Variants in ARID1B observed in about 807,000 individuals in gnomAD.
ARID1B encodes AT-rich interactive domain-containing protein 1B.
Under a neutral mutation model 212.3 loss-of-function variants are expected in ARID1B, and 30 were observed. That is an observed-to-expected ratio of 0.14 (90% CI 0.11 to 0.19). The LOEUF (loss-of-function observed/expected upper bound fraction) is 0.19. ARID1B is among the 10% of genes least tolerant of loss of function. ARID1B has a pLI of 1.00. For synonymous variants in ARID1B, 1,402 were observed against 1,301.7 expected, an observed-to-expected ratio of 1.08 and a Z score of -1.66; for missense variants, 2,891 against 3,204.0, an observed-to-expected ratio of 0.90 and a Z score of 2.36.
chr6:157,173,852 G>A (rs1464728185), intron 9 of ARID1B, 156 bp from the exon 10 acceptor site: 3 of 607,424 alleles, frequency 4.9e-6, no homozygotes, highest in Non-Finnish European at 8.4e-6. Flanking sequence ...TTGCATTTCA[G>A]AAATTAATAT....
At chr6:156,919,266 A>G (rs893705767) in intron 3 of ARID1B, among the ~76,000 whole-genome samples, 4 of 152,192 alleles carry the variant, frequency 2.6e-5, no homozygotes, top group African/African-American at 4.8e-5. Flanking sequence ...TTGGCTTTTA[A>G]TGGAAAACTT....
intron 4 of ARID1B, among the ~76,000 whole-genome samples, chr6:157,008,864 A>G (rs1049530609): frequency 2.0e-4 from 31 of 152,116 alleles, no homozygotes; most frequent in African/African-American, 6.3e-4. Flanking sequence ...GGGAGCTGGC[A>G]GGTTTCAGTT....
intron 4 of ARID1B, among the ~76,000 whole-genome samples, chr6:156,974,551 A>G (rs1293845867): frequency 1.3e-5 from 2 of 152,138 alleles, no homozygotes; most frequent in African/African-American, 2.4e-5. Flanking sequence ...CCCCACATGT[A>G]CTCTCTGACA....
chr6:156,896,374 C>T (rs985848169), intron 2 of ARID1B, among the ~76,000 whole-genome samples: 4 of 150,710 alleles, frequency 2.7e-5, no homozygotes, highest in Non-Finnish European at 4.4e-5. Flanking sequence ...GTCAGGAGTT[C>T]GAGACCAGCC....
intron 7 of ARID1B, among the ~76,000 whole-genome samples, chr6:157,144,857 T>G (rs1789612006): frequency 6.6e-6 from 1 of 152,268 alleles, no homozygotes; most frequent in Admixed American, 6.5e-5. Flanking sequence ...TTGAAACTGA[T>G]GAACAGTGGT....
intron 1 of ARID1B, among the ~76,000 whole-genome samples, chr6:156,784,239 A>T (rs1028885118): frequency 6.6e-6 from 1 of 151,972 alleles, no homozygotes; most frequent in African/African-American, 2.4e-5. Context: ...GTAGTGCCGC[A>T]CGCTTGCTGT....
At chr6:157,137,604 AT>A (rs912812228) in intron 7 of ARID1B, among the ~76,000 whole-genome samples, 127 of 152,294 alleles carry the variant, frequency 8.3e-4, no homozygotes, top group African/African-American at 3.0e-3. Context: ...TACTTTTTGC[AT>A]GTTGTTATTA....
chr6:157,042,922 A>G (rs1406865007), intron 4 of ARID1B, among the ~76,000 whole-genome samples: 4 of 152,088 alleles, frequency 2.6e-5, no homozygotes, highest in Non-Finnish European at 5.9e-5. Flanking sequence ...CAGCCTCCCA[A>G]AGTGCTGGGA....
chr6:157,206,821 C>T lies in ARID1B; in HGVS notation c.6049C>T (p.Pro2017Ser), dbSNP rs774509236. The change falls in exon 20 of 20, where the codon CCT (proline) becomes TCT (serine). Residue 2017 changes from proline to serine, a missense_variant. Physicochemically the swap from Pro to Ser is moderately conservative, Grantham distance 74. This residue lies in a region of ARID1B where 332 missense variants were observed against 369.2 expected (regional missense o/e 0.90). Coordinates refer to ENST00000636930, the MANE Select transcript of ARID1B (RefSeq NM_001374828.1). This position sits in a 1 kb window ranked among gnomAD's most constrained non-coding sequence, Gnocchi z 6.8. ...RPGALPEDAN[P>S]GPQTESSKFP... is the part of the protein sequence containing the mutation. The stretch of plus-strand genomic sequence containing the variant: ...AGGGGCATTGCCTGAAGACGCAAAC[C>T]CTGGGCCCCAGACCGAAAGCAGTAA... The T allele has an allele frequency of 2.0e-5, 32 of 1,613,926 alleles. No individual in the cohort carries two copies. The highest frequency in any genetic ancestry group is 2.5e-5 in the Non-Finnish European group (29 of 1,180,036).
chr6:156,872,989 C>T (rs1477574733), intron 2 of ARID1B, among the ~76,000 whole-genome samples: 1 of 152,212 alleles, frequency 6.6e-6, no homozygotes, highest in Non-Finnish European at 1.5e-5. Context: ...TCTACTCTTC[C>T]TTCCATCTTG....
chr6:156,797,844 C>T (rs144212889), intron 1 of ARID1B, among the ~76,000 whole-genome samples: 234 of 152,268 alleles, frequency 1.5e-3, no homozygotes, highest in Non-Finnish European at 2.1e-3. Flanking sequence ...AGGAGAGGTG[C>T]CTGGGCGTTC....
rs1014084265 is a variant in ARID1B at position 157,190,660 on chromosome 6, G to A, written c.4231+450G>A. Among the ~76,000 whole-genome samples, 3 of 152,208 alleles carry A rather than the reference G, an allele frequency of 2.0e-5. No homozygotes were observed. Among genetic ancestry groups the A allele is most frequent in the Admixed American group, 1.3e-4 (2 of 15,284 alleles). On this transcript the variant is annotated intron_variant, in intron 15 of 19. Transcript: ENST00000636930. The surrounding 1 kb of genome is among the most constrained non-coding windows in gnomAD (Gnocchi z 4.6). ...GCTAGTGTGCGCTGGGCGCTAGCTC[G>A]TGGATTGGTAAATCAGAGTCGCTGC...
chr6:156,901,405 G>A lies in ARID1B; in HGVS notation c.2016G>A (p.Val672=), dbSNP rs772203422. The change falls in exon 3 of 20, where the codon GTG becomes GTA. Residue 672 remains valine, a synonymous_variant. Coordinates refer to ENST00000636930, the MANE Select transcript of ARID1B (RefSeq NM_001374828.1). ...CACCTCAGTATGGACAGCAAGGTGT[G>A]AGTGGTTACTGCCAGCAGGGCCAAC... ...QMPPQYGQQG[V]SGYCQQGQQP... is the part of the protein sequence containing the mutation. 2.5e-6 allele frequency: 4 copies of A among 1,614,150 alleles called. No individual in the cohort carries two copies. Among genetic ancestry groups the A allele is most frequent in the Non-Finnish European group, 2.5e-6 (3 of 1,180,036 alleles).
chr6:156,905,274 A>ACACACACACACC (rs1789283491), intron 3 of ARID1B, among the ~76,000 whole-genome samples: 1 of 152,030 alleles, frequency 6.6e-6, no homozygotes, highest in Non-Finnish European at 1.5e-5. Context: ...ACACACACAC[A>ACACACACACACC]CACACACAGA....
chr6:156,893,051 T>TC (rs201418007), intron 2 of ARID1B, among the ~76,000 whole-genome samples: 2 of 138,396 alleles, frequency 1.4e-5, no homozygotes, highest in Non-Finnish European at 3.1e-5. Context: ...CTTCCTTTTT[T>TC]TTTTTTTTTG....
rs1004474275 is a variant in ARID1B at position 156,933,106 on chromosome 6, A to G, written c.2137-2360A>G. On this transcript the variant is annotated intron_variant, in intron 3 of 19. Coordinates refer to ENST00000636930, the MANE Select transcript of ARID1B (RefSeq NM_001374828.1). The stretch of plus-strand genomic sequence containing the variant: ...GTCTAAATTGAAATGTTTATCCACT[A>G]TAGTTGTAATGATCTTTTTCAGCCT... Among the ~76,000 whole-genome samples the G allele has an allele frequency of 2.0e-5, 3 of 152,202 alleles. No homozygotes were observed. The East Asian group carries it at 5.8e-4, about 29-fold the overall frequency.
chr6:157,098,098 T>C (rs1266390279), intron 5 of ARID1B, among the ~76,000 whole-genome samples: 1 of 152,012 alleles, frequency 6.6e-6, no homozygotes, highest in East Asian at 1.9e-4. Context: ...AGAGGAAAAA[T>C]ATTGAGGAGG....
intron 4 of ARID1B, among the ~76,000 whole-genome samples, chr6:156,995,472 T>A (rs1224205665): frequency 6.6e-6 from 1 of 152,222 alleles, no homozygotes; most frequent in African/African-American, 2.4e-5. Flanking sequence ...CTTCCAAGGA[T>A]TAAGTATTTG....
chr6:156,898,474 G>A (rs1788664571), intron 2 of ARID1B, among the ~76,000 whole-genome samples: 1 of 152,110 alleles, frequency 6.6e-6, no homozygotes. Context: ...GAGAGGGACA[G>A]CCGCCCAGAT....
Sources: allele counts gnomAD v4.1 joint callset (sites outside exome capture counted in the v4.1 genomes callset), GRCh38; gene constraint gnomAD v4.1.1; regional missense constraint gnomAD v4.1.1; non-coding constraint Gnocchi (gnomAD v3.1); transcripts MANE v1.5; gene names NCBI Gene and HGNC (gene_info 2026-07-23, HGNC 2026-07-21).